ANKIB1: variants seen among roughly 807,000 people sequenced by gnomAD.
ANKIB1 encodes the protein ankyrin repeat and IBR domain containing 1.
Under a neutral mutation model 122.1 loss-of-function variants are expected in ANKIB1, and 43 were observed. The ratio of observed to expected loss-of-function variants is 0.35; its 90% CI spans 0.28 to 0.45. The LOEUF is 0.45. Among genes scored for constraint, ANKIB1 ranks in the 20% least tolerant of loss-of-function variants. ANKIB1 has a pLI of 1.00. For synonymous variants in ANKIB1, 390 were observed against 442.0 expected (o/e 0.88, Z 1.48); for missense variants, 992 against 1,329.5 (o/e 0.75, Z 3.95).
At position 92,367,864 on chromosome 7, in the gene ANKIB1, T is replaced by G. The variant is rs1455128966; in HGVS notation, c.1487-3613T>G. On this transcript the variant is annotated intron_variant, in intron 10 of 19. Coordinates refer to ENST00000265742, the MANE Select transcript of ANKIB1 (RefSeq NM_019004.2). ...GAGTTCAAATTGTATTATTTAAAAATTCAGTCTTTGACTAGGTGCAGTGGT... is the reference window on the plus strand; with the variant it reads ...GAGTTCAAATTGTATTATTTAAAAAGTCAGTCTTTGACTAGGTGCAGTGGT... Among the ~76,000 whole-genome samples the G allele has an allele frequency of 5.9e-5, 9 of 152,158 alleles. No individual in the cohort carries two copies. The East Asian group carries it at 1.5e-3, about 26-fold the overall frequency.
intron 10 of ANKIB1, among the ~76,000 whole-genome samples, chr7:92,363,478 G>A: frequency 6.6e-6 from 1 of 152,192 alleles, no homozygotes; most frequent in Non-Finnish European, 1.5e-5. Flanking sequence ...CAGACTTCAG[G>A]GCATGCAGAG....
chr7:92,381,916 T>G (rs1804524657), intron 11 of ANKIB1, among the ~76,000 whole-genome samples: 1 of 152,130 alleles, frequency 6.6e-6, no homozygotes, highest in African/African-American at 2.4e-5. Context: ...GTAAATGGGC[T>G]CAATGCTCCA....
chr7:92,309,923 TAA>T (rs869276384), intron 3 of ANKIB1, among the ~76,000 whole-genome samples: 19 of 96,032 alleles, frequency 2.0e-4, no homozygotes, highest in East Asian at 4.7e-4. Context: ...AGACTCCATC[TAA>T]AAAAAAAAAA....
intron 1 of ANKIB1, among the ~76,000 whole-genome samples, chr7:92,275,219 CTTAAT>C (rs543513177): frequency 4.2e-4 from 64 of 151,794 alleles, no homozygotes; most frequent in African/African-American, 1.5e-3. Flanking sequence ...ATCCTTTTTT[CTTAAT>C]TTATTCTCAC....
At chr7:92,388,633 G>A (rs1804720143) in intron 14 of ANKIB1, among the ~76,000 whole-genome samples, 1 of 152,212 alleles carries the variant, frequency 6.6e-6, no homozygotes, top group South Asian at 2.1e-4. Flanking sequence ...AACCCACAAC[G>A]ACCACACAGA....
chr7:92,355,574 G>C (rs567557967), intron 9 of ANKIB1, among the ~76,000 whole-genome samples: 1 of 152,270 alleles, frequency 6.6e-6, no homozygotes, highest in Non-Finnish European at 1.5e-5. Flanking sequence ...ATGGTGCCAG[G>C]TGTGGTGGCT....
At position 92,316,205 on chromosome 7, in the gene ANKIB1, A is replaced by G. The variant is rs146517730; in HGVS notation, c.487-3125A>G. On this transcript the variant is annotated intron_variant, in intron 3 of 19. Coordinates refer to ENST00000265742, the MANE Select transcript of ANKIB1 (RefSeq NM_019004.2). ...TATTAAGCCCTCCTTAGCTAATTTG[A>G]GACTGGGAAAGCAGATACTTAGTTG... 2.8e-3 allele frequency among the ~76,000 whole-genome samples: 423 copies of G among 152,286 alleles called. 2 individuals are homozygous for G. The highest frequency in any genetic ancestry group is 9.5e-3 in the African/African-American group (395 of 41,558).
intron 4 of ANKIB1, among the ~76,000 whole-genome samples, chr7:92,327,051 G>T (rs1489959754): frequency 6.6e-6 from 1 of 152,178 alleles, no homozygotes; most frequent in Non-Finnish European, 1.5e-5. Context: ...TTGATTTGCA[G>T]AAAGAACAGA....
At chr7:92,311,474 A>G (rs557059384) in intron 3 of ANKIB1, among the ~76,000 whole-genome samples, 1 of 152,272 alleles carries the variant, frequency 6.6e-6, no homozygotes, top group South Asian at 2.1e-4. Flanking sequence ...CAAAGAGATT[A>G]TCTTTTTTCC....
chr7:92,274,922 G>A (rs1230468001), intron 1 of ANKIB1, among the ~76,000 whole-genome samples: 1 of 152,108 alleles, frequency 6.6e-6, no homozygotes, highest in Non-Finnish European at 1.5e-5. Context: ...ATGAGACCCT[G>A]TCTCAAAAAA....
intron 9 of ANKIB1, among the ~76,000 whole-genome samples, chr7:92,357,305 T>C (rs1477546416): frequency 1.3e-5 from 2 of 152,194 alleles, no homozygotes; most frequent in Non-Finnish European, 2.9e-5. Flanking sequence ...TTGGTGTCTC[T>C]GGCTGAGATT....
At chr7:92,246,669 C>T (rs1801059479) in intron 1 of ANKIB1, 150 bp downstream of exon 1, 3 of 438,730 alleles carry the variant, frequency 6.8e-6, no homozygotes, top group South Asian at 4.7e-5. Context: ...TGTCTGTCCC[C>T]ATCCCTGAAC....
chr7:92,276,020 A>G (rs765282009), intron 1 of ANKIB1, among the ~76,000 whole-genome samples: 36 of 152,304 alleles, frequency 2.4e-4, no homozygotes, highest in Middle Eastern at 6.8e-3. Context: ...GTATATCTAC[A>G]TCTATATATA....
chr7:92,398,131 AG>A, intron 19 of ANKIB1, 80 bp from the exon 20 acceptor site: 1 of 1,394,292 alleles, frequency 7.2e-7, no homozygotes, highest in Non-Finnish European at 9.6e-7. Context: ...CTGTTGGTAA[AG>A]GAAGAATGGT....
In ANKIB1 at chr7:92,359,122, G is replaced by T. The variant is rs370707607; in HGVS notation, c.1398-3063G>T. ...GTTCTGTTGTACATGTGCAGAACAT[G>T]CAGTTTTGTTACATAGGCATACACA... On this transcript the variant is annotated intron_variant, in intron 9 of 19. Coordinates refer to ENST00000265742, the MANE Select transcript of ANKIB1 (RefSeq NM_019004.2). 2.6e-5 allele frequency among the ~76,000 whole-genome samples: 4 copies of T among 152,206 alleles called. 1 individual carries two copies.
chr7:92,386,403 C>A, intron 11 of ANKIB1, 106 bp from the exon 12 acceptor site: 1 of 1,242,602 alleles, frequency 8.0e-7, no homozygotes, highest in South Asian at 1.9e-5. Flanking sequence ...TATTACTGGT[C>A]ACACAAGCAC....
intron 11 of ANKIB1, among the ~76,000 whole-genome samples, chr7:92,380,550 AGCAATATTTGCTGTTCT>A (rs957717509): frequency 2.4e-4 from 36 of 152,360 alleles, no homozygotes; most frequent in African/African-American, 6.0e-4. Flanking sequence ...AGGACCAGGC[AGCAATATTTGCTGTTCT>A]GCAATATTTG....
chr7:92,256,168 G>A (rs1374077837), intron 1 of ANKIB1, among the ~76,000 whole-genome samples: 2 of 152,194 alleles, frequency 1.3e-5, no homozygotes, highest in African/African-American at 4.8e-5. Flanking sequence ...TGGTAGGGAA[G>A]AGGAGACAAC....
intron 10 of ANKIB1, among the ~76,000 whole-genome samples, chr7:92,366,423 G>C (rs956380426): frequency 6.6e-6 from 1 of 152,032 alleles, no homozygotes; most frequent in Non-Finnish European, 1.5e-5. Flanking sequence ...CCCCAAATTT[G>C]ATCTATTACC....
Sources: allele counts gnomAD v4.1 joint callset (sites outside exome capture counted in the v4.1 genomes callset), GRCh38; gene constraint gnomAD v4.1.1; transcripts MANE v1.5; gene names NCBI Gene and HGNC (gene_info 2026-07-23, HGNC 2026-07-21).